The following MAN2B2 variants were observed in gnomAD, a reference collection of about 807,000 sequenced individuals.
MAN2B2 encodes the protein epididymis-specific alpha-mannosidase.
MAN2B2 carries 106 observed loss-of-function variants against 117.1 expected under a neutral mutation model. The ratio of observed to expected loss-of-function variants is 0.90; its 90% CI spans 0.77 to 1.06. MAN2B2 has a LOEUF of 1.06. Among genes scored for constraint, MAN2B2 ranks in the 50% least tolerant of loss-of-function variants. MAN2B2 has a pLI of 0.00. For missense variants in MAN2B2, 1,326 were observed against 1,381.4 expected (o/e 0.96, Z 0.64); for synonymous variants, 544 against 595.1 (o/e 0.91, Z 1.25).
chr4:6,585,111 C>G (rs1355063776), intron 3 of MAN2B2, among the ~76,000 whole-genome samples: 1 of 152,114 alleles, frequency 6.6e-6, no homozygotes, highest in Non-Finnish European at 1.5e-5. Flanking sequence ...TCCACCCACA[C>G]TCCTAGTCCA....
In MAN2B2 at chr4:6,621,039, C is replaced by T. The variant is rs529128174; in HGVS notation, c.2933-149C>T. On this transcript the variant is annotated intron_variant, in intron 18 of 18. Coordinates refer to ENST00000285599, the MANE Select transcript of MAN2B2 (RefSeq NM_015274.3). ...CAGGTGCAGTGTGGTGAGAAGGAGG[C>T]TGGGAGCCACAGCAGATTGTAGACA... The T allele has an allele frequency of 4.7e-5, 28 of 601,838 alleles. No homozygotes were observed. In the South Asian group the frequency reaches 5.9e-4, roughly 13 times the overall value. The allele number at this position is 601,838 out of a possible 1,614,324, so 37.3% of individuals were successfully genotyped here. A position where few individuals can be genotyped will look rare whatever the true frequency, so the allele number is the denominator to read the frequency against.
At chr4:6,599,680 A>G (rs905608227) in intron 9 of MAN2B2, among the ~76,000 whole-genome samples, 17 of 151,906 alleles carry the variant, frequency 1.1e-4, no homozygotes, top group Non-Finnish European at 2.2e-4. Flanking sequence ...AAAAAAAAAA[A>G]AAAGTTCTGG....
chr4:6,602,516 G>A (rs1305894636), intron 10 of MAN2B2, among the ~76,000 whole-genome samples: 1 of 152,174 alleles, frequency 6.6e-6, no homozygotes, highest in Non-Finnish European at 1.5e-5. Flanking sequence ...ACTCCTAAGT[G>A]ATGACTTGGA....
At chr4:6,598,080 C>CT in intron 8 of MAN2B2, 118 bp from the exon 9 acceptor site, 2 of 1,155,496 alleles carry the variant, frequency 1.7e-6, no homozygotes, top group African/African-American at 3.1e-5. Flanking sequence ...GGACTGCCCC[C>CT]TTCTCCACTG....
chr4:6,598,255 G>A lies in MAN2B2; in HGVS notation c.1306G>A (p.Ala436Thr), dbSNP rs1012918606. 10 of 1,613,640 alleles carry A rather than the reference G, an allele frequency of 6.2e-6. No individual in the cohort carries two copies. Among genetic ancestry groups the A allele is most frequent in the African/African-American group, 4.0e-5 (3 of 74,936 alleles). The change falls in exon 9 of 19, where the codon GCA (alanine) becomes ACA (threonine). Residue 436 changes from alanine (A) to threonine (T), a missense_variant. Coordinates refer to ENST00000285599, the MANE Select transcript of MAN2B2 (RefSeq NM_015274.3). ...GTCCCCCAAGGTGAGAGACATGTAC[G>A]CAACGCACCTGGCCTCGGGGATGCT... ...TESPKVRDMY[A>T]THLASGMLGM...
intron 3 of MAN2B2, among the ~76,000 whole-genome samples, chr4:6,579,330 A>C (rs1726309327): frequency 7.7e-6 from 1 of 130,072 alleles, no homozygotes; most frequent in Admixed American, 7.8e-5. Context: ...CACCACCACC[A>C]CCACCACCAC....
chr4:6,596,482 G>A (rs1414738543), intron 7 of MAN2B2, among the ~76,000 whole-genome samples: 1 of 152,146 alleles, frequency 6.6e-6, no homozygotes, highest in Admixed American at 6.5e-5. Flanking sequence ...TCCCTTCTGA[G>A]ACAGACAGCC....
In MAN2B2 at chr4:6,596,048, G is replaced by A. The variant is rs373532004; in HGVS notation, c.1058-1065G>A. ...CTAATGGTGAGGTGGGTGGGGTAGT[G>A]ACTGTGGGTGTGGCCACATCTAGCA... On this transcript the variant is annotated intron_variant, in intron 7 of 18. Transcript: ENST00000285599. Among the ~76,000 whole-genome samples the A allele has an allele frequency of 2.6e-5, 4 of 152,320 alleles. No homozygotes were observed. The East Asian group carries it at 7.7e-4, about 29-fold the overall frequency.
chr4:6,590,060 C>T (rs1726796845), intron 5 of MAN2B2, among the ~76,000 whole-genome samples: 1 of 151,088 alleles, frequency 6.6e-6, no homozygotes, highest in Non-Finnish European at 1.5e-5. Flanking sequence ...GAGTGAGAAC[C>T]TGTCTCTATT....
intron 1 of MAN2B2, among the ~76,000 whole-genome samples, 176 bp from the exon 2 acceptor site, chr4:6,576,402 T>C (rs1726061221): frequency 6.6e-6 from 1 of 152,084 alleles, no homozygotes; most frequent in South Asian, 2.1e-4. Context: ...CACGATCCCA[T>C]CCAGTGGGGA....
chr4:6,588,658 T>G (rs1406120527), intron 4 of MAN2B2, among the ~76,000 whole-genome samples: 1 of 152,102 alleles, frequency 6.6e-6, no homozygotes, highest in Non-Finnish European at 1.5e-5. Flanking sequence ...AAGGTTTCAG[T>G]GAGCTGAGAT....
intron 5 of MAN2B2, among the ~76,000 whole-genome samples, chr4:6,590,334 A>G (rs7678212): frequency 0.89 from 135,152 of 152,086 alleles, 60,369 homozygotes; most frequent in Middle Eastern, 0.98. Context: ...GCAGTAAGCC[A>G]ATATTGCACC....
chr4:6,592,528 C>T (rs897083553), intron 5 of MAN2B2, among the ~76,000 whole-genome samples: 15 of 152,170 alleles, frequency 9.9e-5, no homozygotes, highest in African/African-American at 3.4e-4. Context: ...GGCTTGAGCC[C>T]GGGAGTTCGA....
chr4:6,586,721 A>ATGG (rs1434105231), intron 3 of MAN2B2, among the ~76,000 whole-genome samples: 1 of 152,178 alleles, frequency 6.6e-6, no homozygotes, highest in Non-Finnish European at 1.5e-5. Flanking sequence ...CTGGAAAGGG[A>ATGG]TGGTGGTGGT....
In MAN2B2 at chr4:6,619,980, AGGGACCT is replaced by A; in HGVS notation, c.2873_2879del (p.Thr958IlefsTer2). ...TGGCAGTGGAGGAGCGCTCGCTCAC[AGGGACCT>A]GGGATTTGAGCATGCTGCACCGCTG... is the stretch of plus-strand genomic sequence containing the variant. On this transcript the variant is annotated frameshift_variant, in exon 18 of 19. Transcript: ENST00000285599. LOFTEE classifies it high-confidence loss of function. 6.2e-7 allele frequency: 1 copy of A among 1,613,956 alleles called. No homozygotes were observed.
intron 2 of MAN2B2, among the ~76,000 whole-genome samples, 186 bp downstream of exon 2, chr4:6,576,910 G>A (rs2108854980): frequency 6.6e-6 from 1 of 152,312 alleles, no homozygotes; most frequent in South Asian, 2.1e-4. Context: ...GCCTGGGAGA[G>A]ATTGCTTTCA....
At chr4:6,581,812 G>A (rs916482995) in intron 3 of MAN2B2, among the ~76,000 whole-genome samples, 11 of 151,744 alleles carry the variant, frequency 7.2e-5, no homozygotes, top group African/African-American at 2.7e-4. Flanking sequence ...CTGCCCGTAA[G>A]CTCACCTTTC....
At chr4:6,578,347 T>C (rs1432804936) in intron 2 of MAN2B2, 46 bp from the exon 3 acceptor site, 3 of 1,454,564 alleles carry the variant, frequency 2.1e-6, no homozygotes, top group Non-Finnish European at 9.5e-7. Flanking sequence ...CCAGCCATGC[T>C]CAGGAGCCGT....
intron 10 of MAN2B2, 58 bp downstream of exon 10, chr4:6,600,814 C>T: frequency 6.3e-7 from 1 of 1,594,540 alleles, no homozygotes; most frequent in Non-Finnish European, 8.5e-7. Context: ...CTGCTCTGGG[C>T]CGGGCACATT....
Sources: gnomAD v4.1 joint callset for allele counts (sites outside exome capture counted in the v4.1 genomes callset) on GRCh38, gnomAD v4.1.1 for gene constraint, MANE v1.5 for transcripts, NCBI Gene and HGNC (gene_info 2026-07-23, HGNC 2026-07-21) for gene names.